Variants in TRPC6 observed in about 807,000 individuals in gnomAD.
TRPC6 encodes the protein transient receptor potential cation channel subfamily C member 6.
A neutral mutation model predicts 90.7 loss-of-function variants in TRPC6; 55 were observed. That is an observed-to-expected ratio of 0.61 (90% CI 0.49 to 0.76). The LOEUF (loss-of-function observed/expected upper bound fraction) is 0.76. TRPC6 is among the 30% of genes least tolerant of loss of function. The probability of loss-of-function intolerance (pLI) is 0.00; values close to 1 mark genes in which losing one functional copy is unlikely to be tolerated. For synonymous variants in TRPC6, 393 were observed against 393.0 expected (o/e 1.00, Z 0.00); for missense variants, 989 against 1,122.7 (o/e 0.88, Z 1.70).
chr11:101,486,593 A>C (rs1217160567), intron 4 of TRPC6, among the ~76,000 whole-genome samples: 1 of 152,182 alleles, frequency 6.6e-6, no homozygotes, highest in Non-Finnish European at 1.5e-5. Context: ...TTTGGATTAC[A>C]GTAGAAGAAA....
intron 6 of TRPC6, among the ~76,000 whole-genome samples, chr11:101,475,806 TTTC>T (rs1859401046): frequency 6.6e-6 from 1 of 151,510 alleles, no homozygotes. Flanking sequence ...ATGACAGGAT[TTTC>T]TTCTTTTAAA....
At chr11:101,565,885 C>T (rs550728541) in intron 1 of TRPC6, among the ~76,000 whole-genome samples, 5 of 152,226 alleles carry the variant, frequency 3.3e-5, no homozygotes, top group African/African-American at 7.2e-5. Context: ...AGAAACATAA[C>T]GAGATGTGAA....
chr11:101,479,104 C>A (rs1234040999), intron 5 of TRPC6, among the ~76,000 whole-genome samples: 1 of 152,178 alleles, frequency 6.6e-6, no homozygotes, highest in African/African-American at 2.4e-5. Context: ...CTTCCCCAGC[C>A]CCCTCAAGTG....
chr11:101,575,937 C>A (rs907031970), intron 1 of TRPC6, among the ~76,000 whole-genome samples: 1 of 152,030 alleles, frequency 6.6e-6, no homozygotes, highest in Non-Finnish European at 1.5e-5. Flanking sequence ...GGGGTGAGTG[C>A]GCTTTTGAAG....
chr11:101,505,905 C>T (rs1860250362), intron 1 of TRPC6, among the ~76,000 whole-genome samples: 1 of 151,218 alleles, frequency 6.6e-6, no homozygotes. Context: ...CCCAGCTACT[C>T]AGGAGGCTGA....
intron 1 of TRPC6, among the ~76,000 whole-genome samples, chr11:101,516,363 C>G (rs1443197734): frequency 6.6e-6 from 1 of 152,032 alleles, no homozygotes; most frequent in African/African-American, 2.4e-5. Flanking sequence ...AGATTAATAA[C>G]AAAATTAACA....
intron 1 of TRPC6, among the ~76,000 whole-genome samples, chr11:101,515,349 T>G (rs1387438583): frequency 6.6e-6 from 1 of 152,256 alleles, no homozygotes; most frequent in East Asian, 1.9e-4. Flanking sequence ...AAATGGGCAT[T>G]ATGTTTTTAA....
chr11:101,571,100 T>C (rs1490615273), intron 1 of TRPC6, among the ~76,000 whole-genome samples: 1 of 152,332 alleles, frequency 6.6e-6, no homozygotes, highest in African/African-American at 2.4e-5. Context: ...GCAGATGACA[T>C]GATTGTATAT....
intron 1 of TRPC6, among the ~76,000 whole-genome samples, chr11:101,522,275 C>A (rs1179026139): frequency 6.6e-6 from 1 of 152,140 alleles, no homozygotes; most frequent in Non-Finnish European, 1.5e-5. Context: ...TGAGTTCTCA[C>A]AAGATCTGTT....
At chr11:101,577,623 T>C (rs1018716257) in intron 1 of TRPC6, among the ~76,000 whole-genome samples, 2 of 152,168 alleles carry the variant, frequency 1.3e-5, no homozygotes, top group African/African-American at 4.8e-5. Context: ...CTAGATTGAT[T>C]GAGGACGGTC....
intron 2 of TRPC6, among the ~76,000 whole-genome samples, chr11:101,492,435 A>G (rs904295296): frequency 6.6e-6 from 1 of 152,084 alleles, no homozygotes; most frequent in African/African-American, 2.4e-5. Flanking sequence ...TACAGAAAAA[A>G]TTAGCCGGGA....
chr11:101,534,005 C>G (rs1565232780), intron 1 of TRPC6, among the ~76,000 whole-genome samples: 1 of 152,186 alleles, frequency 6.6e-6, no homozygotes, highest in East Asian at 1.9e-4. Flanking sequence ...AGCTCCCATT[C>G]CATCTAGCTC....
At chr11:101,476,678 C>T (rs1331627115) in intron 5 of TRPC6, 144 bp from the exon 6 acceptor site, 2 of 726,494 alleles carry the variant, frequency 2.8e-6, no homozygotes, top group Admixed American at 2.0e-5. Context: ...ACCATAATTC[C>T]CATATCCTCA....
At chr11:101,571,964 G>A (rs2136888681) in intron 1 of TRPC6, among the ~76,000 whole-genome samples, 1 of 152,252 alleles carries the variant, frequency 6.6e-6, no homozygotes, top group African/African-American at 2.4e-5. Flanking sequence ...GCATGGGCAA[G>A]GACTTCAAGA....
chr11:101,506,132 G>C (rs1028799910), intron 1 of TRPC6, among the ~76,000 whole-genome samples: 4 of 151,964 alleles, frequency 2.6e-5, no homozygotes, highest in Non-Finnish European at 5.9e-5. Context: ...TGAGCTTCAA[G>C]GGATCTCATT....
intron 1 of TRPC6, among the ~76,000 whole-genome samples, chr11:101,543,507 C>T (rs181264151): frequency 6.6e-6 from 1 of 152,132 alleles, no homozygotes; most frequent in East Asian, 1.9e-4. Context: ...CAGCATGGTA[C>T]TGTTTTGGTA....
At chr11:101,498,448 G>C (rs1406481317) in intron 2 of TRPC6, among the ~76,000 whole-genome samples, 1 of 152,024 alleles carries the variant, frequency 6.6e-6, no homozygotes, top group Admixed American at 6.6e-5. Flanking sequence ...CTGAGGTCTC[G>C]TGTCACCTCT....
rs1251014805 is a variant in TRPC6, at chr11:101,552,672, TA to T, written c.170+30661del. On this transcript the variant is annotated intron_variant, in intron 1 of 12. Coordinates refer to ENST00000344327, the MANE Select transcript of TRPC6 (RefSeq NM_004621.6). ...TAGTCTTAGCTATTAGATTATCCAT[TA>T]AAAAAAATTCTCCATCTAATTAAGA... Among the ~76,000 whole-genome samples the T allele has an allele frequency of 4.6e-5, 7 of 151,936 alleles. No homozygotes were observed. In the South Asian group the frequency reaches 8.3e-4, roughly 18 times the overall value.
intron 5 of TRPC6, among the ~76,000 whole-genome samples, chr11:101,480,603 A>G (rs1261827462): frequency 6.6e-6 from 1 of 152,104 alleles, no homozygotes; most frequent in African/African-American, 2.4e-5. Flanking sequence ...TAATTTTTCA[A>G]AGTTTCATCT....
Sources: gnomAD v4.1 joint callset for allele counts (sites outside exome capture counted in the v4.1 genomes callset) on GRCh38, gnomAD v4.1.1 for gene constraint, MANE v1.5 for transcripts, NCBI Gene and HGNC (gene_info 2026-07-23, HGNC 2026-07-21) for gene names.